The following TMEM39B variants were observed in gnomAD, a reference collection of about 807,000 sequenced individuals.
TMEM39B encodes transmembrane protein 39B.
TMEM39B carries 23 observed loss-of-function variants against 52.2 expected under a neutral mutation model. That is an observed-to-expected ratio of 0.44 (90% CI 0.32 to 0.62). The LOEUF is 0.62. Ranked by LOEUF, TMEM39B falls within the 20% of genes least tolerant of loss-of-function variation. The pLI, the probability that TMEM39B is intolerant of heterozygous loss-of-function variation, is 0.06. For missense variants in TMEM39B, 547 were observed against 642.0 expected (o/e 0.85, Z 1.60); for synonymous variants, 285 against 264.0 (o/e 1.08, Z -0.77).
At chr1:32,101,147 C>T (rs928347434) in intron 8 of TMEM39B, among the ~76,000 whole-genome samples, 2 of 152,168 alleles carry the variant, frequency 1.3e-5, no homozygotes, top group African/African-American at 4.8e-5. Context: ...AAAGACAATA[C>T]TGTCTTCATT....
At chr1:32,098,623 C>T (rs989633055) in intron 7 of TMEM39B, among the ~76,000 whole-genome samples, 4 of 152,142 alleles carry the variant, frequency 2.6e-5, no homozygotes, top group Non-Finnish European at 4.4e-5. Context: ...GTCCCAGCTA[C>T]TCAGGAGGCT....
intron 8 of TMEM39B, among the ~76,000 whole-genome samples, chr1:32,101,549 C>T (rs1641020738): frequency 6.6e-6 from 1 of 152,022 alleles, no homozygotes; most frequent in South Asian, 2.1e-4. Context: ...CGCTGTAACT[C>T]CTAAAGGATC....
At chr1:32,083,582 C>T (rs960015850) in intron 5 of TMEM39B, among the ~76,000 whole-genome samples, 2 of 151,582 alleles carry the variant, frequency 1.3e-5, no homozygotes, top group African/African-American at 4.9e-5. Flanking sequence ...GCCACCACGC[C>T]TGGCTAATTT....
chr1:32,094,559 C>T (rs1271316628), intron 6 of TMEM39B, among the ~76,000 whole-genome samples: 1 of 152,192 alleles, frequency 6.6e-6, no homozygotes, highest in Non-Finnish European at 1.5e-5. Context: ...AGAGCCTGTT[C>T]TCTGGCTCAG....
chr1:32,085,263 T>G (rs1297287971), intron 5 of TMEM39B, among the ~76,000 whole-genome samples: 1 of 152,148 alleles, frequency 6.6e-6, no homozygotes, highest in African/African-American at 2.4e-5. Context: ...ATTGGTCATC[T>G]TTTTCTCCTA....
chr1:32,085,195 C>T lies in TMEM39B; in HGVS notation c.591-6480C>T, dbSNP rs115964917. Among the ~76,000 whole-genome samples, 828 of 152,062 alleles carry T rather than the reference C, an allele frequency of 5.4e-3. 11 individuals are homozygous for T. The highest frequency in any genetic ancestry group is 0.019 in the African/African-American group (798 of 41,492). ...TTTGATATTTCTTTGATAATATCTT[C>T]CTTTTAATTTTTTCTATTATCTCTG... On this transcript the variant is annotated intron_variant, in intron 5 of 8. Transcript: ENST00000336294.
At chr1:32,076,103 C>CTTTTTT (rs1178215057) in intron 3 of TMEM39B, 46 of 76,258 alleles carry the variant, frequency 6.0e-4, no homozygotes, top group South Asian at 1.0e-3. Flanking sequence ...TTCTTTTCTT[C>CTTTTTT]TTTTTTTTTT....
chr1:32,102,774 A>G lies in TMEM39B; in HGVS notation c.*101A>G. 7.6e-7 allele frequency: 1 copy of G among 1,316,418 alleles called. No individual in the cohort carries two copies. Among genetic ancestry groups the G allele is most frequent in the Non-Finnish European group, 1.0e-6 (1 of 1,002,706 alleles). The allele number at this position is 1,316,418 out of a possible 1,614,324, so 81.5% of individuals were successfully genotyped here. The stretch of plus-strand genomic sequence containing the variant: ...GGTGGTGGGGGGGACAAAAGACAAA[A>G]AAATCCACCAGAGCTTTGTATTTTT... On this transcript the variant is annotated 3_prime_UTR_variant, in exon 9 of 9. Coordinates refer to ENST00000336294, the MANE Select transcript of TMEM39B (RefSeq NM_018056.4).
rs187434429 is a variant in TMEM39B at position 32,079,690 on chromosome 1, T to C, written c.590+2372T>C. 4.3e-3 allele frequency among the ~76,000 whole-genome samples: 653 copies of C among 152,270 alleles called. 7 individuals are homozygous for C. The highest frequency in any genetic ancestry group is 9.6e-3 in the South Asian group (46 of 4,814). Reference sequence around the variant, plus strand: ...CTGGGACTATGGGCATGCGCCATCATGACCTGCTGCCTCATTTTTTTAATG... The same window carrying C: ...CTGGGACTATGGGCATGCGCCATCACGACCTGCTGCCTCATTTTTTTAATG... On this transcript the variant is annotated intron_variant, in intron 5 of 8. Transcript: ENST00000336294.
At position 32,094,806 on chromosome 1, in the gene TMEM39B, G is replaced by A. The variant is rs775261339; in HGVS notation, c.950G>A (p.Arg317His). The A allele has an allele frequency of 1.3e-5, 21 of 1,614,092 alleles. No homozygotes were observed. The highest frequency in any genetic ancestry group is 1.4e-5 in the Non-Finnish European group (17 of 1,180,052). Reference sequence around the variant, plus strand: ...CAGAACACACATTACTATGACAAGCGCTGGTCCTGTGAACTCTTCCTGCTG... The same window carrying A: ...CAGAACACACATTACTATGACAAGCACTGGTCCTGTGAACTCTTCCTGCTG... ...FVKNTHYYDKRWSCELFLLVS... is the reference protein window; with the variant it reads ...FVKNTHYYDKHWSCELFLLVS... Residue 317 changes from arginine to histidine, a missense_variant, in exon 7 of 9, where the codon CGC becomes CAC. By Grantham distance (29) the Arg-to-His change is conservative. Coordinates refer to ENST00000336294, the MANE Select transcript of TMEM39B (RefSeq NM_018056.4).
chr1:32,089,081 G>A (rs1046841107), intron 5 of TMEM39B, among the ~76,000 whole-genome samples: 1 of 151,722 alleles, frequency 6.6e-6, no homozygotes, highest in Admixed American at 6.6e-5. Flanking sequence ...GCTCATAGAG[G>A]TTAAATAACT....
At chr1:32,099,071 C>T (rs910840881) in intron 7 of TMEM39B, among the ~76,000 whole-genome samples, 1 of 151,640 alleles carries the variant, frequency 6.6e-6, no homozygotes, top group African/African-American at 2.4e-5. Context: ...GGCAACATGG[C>T]GAAACCCCGT....
At chr1:32,076,694 G>A in intron 3 of TMEM39B, 69 bp from the exon 4 acceptor site, 1 of 1,452,962 alleles carries the variant, frequency 6.9e-7, no homozygotes, top group Non-Finnish European at 9.7e-7. Context: ...GCAGCGGGAG[G>A]TGGGTATGAA....
At chr1:32,077,137 A>G in intron 4 of TMEM39B, 27 bp from the exon 5 acceptor site, 11 of 1,613,030 alleles carry the variant, frequency 6.8e-6, no homozygotes, top group Non-Finnish European at 9.3e-6. Flanking sequence ...CCAAGGCCCC[A>G]TCCCGTCCTA....
rs977269089 is a variant in TMEM39B at position 32,076,927 on chromosome 1, T to G, written c.435+81T>G. The G allele has an allele frequency of 1.2e-4, 177 of 1,506,276 alleles. 1 individual carries two copies. Among genetic ancestry groups the G allele is most frequent in the Non-Finnish European group, 1.6e-4 (169 of 1,083,984 alleles). 93.3% of individuals were successfully genotyped at this position (1,506,276 alleles called of 1,614,324 possible). ...GATGCCAAGGAAACATGCCCAGCCC[T>G]TCAGCCTTAGGGTATTTCCTTGGGG... On this transcript the variant is annotated intron_variant, in intron 4 of 8. Transcript: ENST00000336294.
At chr1:32,092,571 A>G (rs1184611125) in intron 6 of TMEM39B, among the ~76,000 whole-genome samples, 2 of 151,736 alleles carry the variant, frequency 1.3e-5, no homozygotes, top group Non-Finnish European at 2.9e-5. Flanking sequence ...GCTTACTGCA[A>G]CCTCCACCTC....
intron 5 of TMEM39B, among the ~76,000 whole-genome samples, chr1:32,082,291 T>C (rs1362440240): frequency 6.6e-6 from 1 of 152,122 alleles, no homozygotes; most frequent in African/African-American, 2.4e-5. Flanking sequence ...AAGCCTTCCA[T>C]TCTTTGTCTA....
upstream of TMEM39B, chr1:32,072,519 T>G: frequency 6.4e-6 from 1 of 155,318 alleles, no homozygotes; most frequent in Non-Finnish European, 1.4e-5. Context: ...AAAGATCGGA[T>G]GTGGGGGCCG....
chr1:32,083,174 T>C (rs1278054403), intron 5 of TMEM39B, among the ~76,000 whole-genome samples: 1 of 135,224 alleles, frequency 7.4e-6, no homozygotes, highest in Non-Finnish European at 1.5e-5. Flanking sequence ...AGCCTCCGCC[T>C]CCCAAGTTCA....
Sources: allele counts gnomAD v4.1 joint callset (sites outside exome capture counted in the v4.1 genomes callset), GRCh38; gene constraint gnomAD v4.1.1; transcripts MANE v1.5; gene names NCBI Gene and HGNC (gene_info 2026-07-23, HGNC 2026-07-21).